CASP5: variants seen among roughly 807,000 people sequenced by gnomAD.
CASP5 encodes caspase-5.
Under a neutral mutation model 45.2 loss-of-function variants are expected in CASP5, and 42 were observed. The observed-to-expected ratio is 0.93, with a 90% confidence interval of 0.73 to 1.20. CASP5 has a LOEUF of 1.20. Ranked by LOEUF, CASP5 falls within the 50% of genes most tolerant of loss-of-function variation. The pLI, the probability that CASP5 is intolerant of heterozygous loss-of-function variation, is 0.00. For missense variants in CASP5, 512 were observed against 532.2 expected, an observed-to-expected ratio of 0.96 and a Z score of 0.37; for synonymous variants, 209 against 186.2, an observed-to-expected ratio of 1.12 and a Z score of -1.00.
At chr11:104,995,552 A>G (rs1861423149) in intron 9 of CASP5, among the ~76,000 whole-genome samples, 188 bp downstream of exon 9, 1 of 152,160 alleles carries the variant, frequency 6.6e-6, no homozygotes, top group Non-Finnish European at 1.5e-5. Context: ...CCTTTGATTG[A>G]TTATATAGTT....
chr11:105,021,739 G>C (rs1263429740), intron 1 of CASP5, among the ~76,000 whole-genome samples: 1 of 148,690 alleles, frequency 6.7e-6, no homozygotes, highest in Non-Finnish European at 1.5e-5. Flanking sequence ...AACCATTGTG[G>C]AAGTCAGTGT....
chr11:105,023,102 T>G, intron 1 of CASP5, 28 bp downstream of exon 1: 1 of 1,550,164 alleles, frequency 6.5e-7, no homozygotes, highest in Non-Finnish European at 8.7e-7. Flanking sequence ...AGTACCCAGC[T>G]GCTAGTCAGA....
At chr11:105,015,947 G>C (rs554238712) in intron 1 of CASP5, among the ~76,000 whole-genome samples, 1 of 152,222 alleles carries the variant, frequency 6.6e-6, no homozygotes, top group South Asian at 2.1e-4. Context: ...CGTAAAAATC[G>C]TGCCTTAGAG....
At position 104,999,046 on chromosome 11, in the gene CASP5, T is replaced by G; in HGVS notation, c.953-18A>C. The G allele has an allele frequency of 6.4e-7, 1 of 1,572,870 alleles. No homozygotes were observed. Among genetic ancestry groups the G allele is most frequent in the Non-Finnish European group, 8.6e-7 (1 of 1,166,104 alleles). On this transcript the variant is annotated intron_variant, in intron 6 of 9. Coordinates refer to ENST00000260315, the MANE Select transcript of CASP5 (RefSeq NM_004347.5). ...ATGTTTTTCTGTAGAGACATCAACT[T>G]TCTTTTTTTTTTATGTTACTTTAAG...
chr11:105,004,738 A>G (rs754025275), intron 3 of CASP5, among the ~76,000 whole-genome samples: 1 of 152,184 alleles, frequency 6.6e-6, no homozygotes, highest in Non-Finnish European at 1.5e-5. Context: ...CTGGGAATGC[A>G]ATAAGTTCTA....
intron 1 of CASP5, among the ~76,000 whole-genome samples, chr11:105,014,874 T>C (rs1334513961): frequency 1.3e-5 from 2 of 152,184 alleles, no homozygotes; most frequent in Non-Finnish European, 2.9e-5. Context: ...ATGAGCACAC[T>C]GTGTTTCAGG....
intron 1 of CASP5, among the ~76,000 whole-genome samples, chr11:105,021,047 A>C (rs2134773488): frequency 6.6e-6 from 1 of 152,200 alleles, no homozygotes; most frequent in South Asian, 2.1e-4. Flanking sequence ...TGAGACAAAC[A>C]AGCAATGCGG....
chr11:105,010,408 T>G (rs1490884546), intron 1 of CASP5, among the ~76,000 whole-genome samples: 1 of 79,168 alleles, frequency 1.3e-5, no homozygotes, highest in Non-Finnish European at 3.0e-5. Flanking sequence ...TCAGTAATTA[T>G]CATTATTATT....
intron 1 of CASP5, among the ~76,000 whole-genome samples, chr11:105,021,133 C>T (rs528479082): frequency 0.091 from 13,767 of 151,554 alleles, 929 homozygotes; most frequent in Admixed American, 0.21. Flanking sequence ...TGGATCCCTT[C>T]CTTACACCTT....
chr11:104,996,678 T>C (rs1267406111), intron 8 of CASP5, among the ~76,000 whole-genome samples: 1 of 152,208 alleles, frequency 6.6e-6, no homozygotes, highest in African/African-American at 2.4e-5. Flanking sequence ...ATTGAGGTGC[T>C]GAGCAAATCC....
intron 3 of CASP5, among the ~76,000 whole-genome samples, chr11:105,004,377 TG>T (rs1368031960): frequency 6.6e-6 from 1 of 152,168 alleles, no homozygotes; most frequent in Non-Finnish European, 1.5e-5. Context: ...CCTTGTGAAA[TG>T]TAATATTGAT....
chr11:105,001,631 TG>T lies in CASP5; in HGVS notation c.717+396del, dbSNP rs1252959255. Among the ~76,000 whole-genome samples, 29 of 152,198 alleles carry T rather than the reference TG, an allele frequency of 1.9e-4. 1 individual carries two copies. The highest frequency in any genetic ancestry group is 1.9e-3 in the Admixed American group (29 of 15,276). Reference sequence around the variant, plus strand: ...AAGATCACGCCACTACACTCCAGCCTGGGCGACAGAGTGAGACTTGGTCTCA... The same window carrying T: ...AAGATCACGCCACTACACTCCAGCCTGGCGACAGAGTGAGACTTGGTCTCA... On this transcript the variant is annotated intron_variant, in intron 5 of 9. Transcript: ENST00000260315.
At chr11:105,006,281 G>A (rs1022521864) in intron 3 of CASP5, among the ~76,000 whole-genome samples, 2 of 152,024 alleles carry the variant, frequency 1.3e-5, no homozygotes, top group African/African-American at 2.4e-5. Context: ...AATTTGTAGC[G>A]CCCAAATAAT....
chr11:105,000,103 C>G (rs546662798), intron 6 of CASP5, among the ~76,000 whole-genome samples, 158 bp downstream of exon 6: 6 of 152,224 alleles, frequency 3.9e-5, no homozygotes, highest in Non-Finnish European at 8.8e-5. Context: ...GAGACAATTT[C>G]TCATTATATC....
At chr11:105,004,845 G>A (rs1861925643) in intron 3 of CASP5, among the ~76,000 whole-genome samples, 1 of 152,144 alleles carries the variant, frequency 6.6e-6, no homozygotes, top group South Asian at 2.1e-4. Context: ...GTCTGCCAAT[G>A]TGAAGACATC....
At chr11:104,995,879 T>G in intron 8 of CASP5, 37 bp from the exon 9 acceptor site, 1 of 1,334,226 alleles carries the variant, frequency 7.5e-7, no homozygotes, top group Non-Finnish European at 1.1e-6. Context: ...ATGAGGGATT[T>G]TGGGTTCTCA....
At position 104,994,355 on chromosome 11, in the gene CASP5, A is replaced by G. The variant is rs1861362744; in HGVS notation, c.*5-8T>C. On this transcript the variant is annotated splice_polypyrimidine_tract_variant and splice_region_variant and intron_variant, in intron 9 of 9. Transcript: ENST00000260315. ...TGGGCTGCCTGTGGTTTCCTGCAGA[A>G]GAGAGAAAGGACAGAAGGTCAAGAT... 1 of 152,276 alleles carries G rather than the reference A, an allele frequency of 6.6e-6. No individual in the cohort carries two copies. Among genetic ancestry groups the G allele is most frequent in the Non-Finnish European group, 1.5e-5 (1 of 68,098 alleles). 9.4% of individuals were successfully genotyped at this position (152,276 alleles called of 1,614,324 possible). A position where few individuals can be genotyped will look rare whatever the true frequency, so the allele number is the denominator to read the frequency against.
At chr11:105,013,414 T>G (rs1227239228) in intron 1 of CASP5, among the ~76,000 whole-genome samples, 1 of 152,038 alleles carries the variant, frequency 6.6e-6, no homozygotes, top group Non-Finnish European at 1.5e-5. Flanking sequence ...TTAAGTGCTG[T>G]AATCACAAAA....
At chr11:105,010,385 TATA>T (rs1163856505) in intron 1 of CASP5, among the ~76,000 whole-genome samples, 1 of 139,400 alleles carries the variant, frequency 7.2e-6, no homozygotes, top group Non-Finnish European at 1.5e-5. Flanking sequence ...TTATCATTAT[TATA>T]ATGATTTAAT....
Sources: gnomAD v4.1 joint callset for allele counts (sites outside exome capture counted in the v4.1 genomes callset) on GRCh38, gnomAD v4.1.1 for gene constraint, MANE v1.5 for transcripts, NCBI Gene and HGNC (gene_info 2026-07-23, HGNC 2026-07-21) for gene names.